Variants in CEP41 observed in about 807,000 individuals in gnomAD.
CEP41 encodes the protein centrosomal protein of 41 kDa.
Under a neutral mutation model 44.3 loss-of-function variants are expected in CEP41, and 32 were observed. The observed-to-expected ratio is 0.72, with a 90% CI of 0.54 to 0.97. CEP41 has a LOEUF of 0.97. Among genes scored for constraint, CEP41 ranks in the 50% least tolerant of loss-of-function variants. CEP41 has a pLI of 0.00. For missense variants in CEP41, 432 were observed against 455.2 expected (o/e 0.95, Z 0.46); for synonymous variants, 151 against 168.5 (o/e 0.90, Z 0.80).
intron 5 of CEP41, among the ~76,000 whole-genome samples, chr7:130,406,354 C>A (rs1218374803): frequency 6.6e-6 from 1 of 151,988 alleles, no homozygotes; most frequent in Non-Finnish European, 1.5e-5. Flanking sequence ...GAGGCTGAGG[C>A]GGGTGGATCA....
At position 130,402,946 on chromosome 7, in the gene CEP41, G is replaced by T. The variant is rs557142840; in HGVS notation, c.423-147C>A. ...AAAGGAAAATGGACGTGGTGTCTCAGTTCTGCCTCTGAATGCAGGATCCTG... is the reference window on the plus strand; with the variant it reads ...AAAGGAAAATGGACGTGGTGTCTCATTTCTGCCTCTGAATGCAGGATCCTG... On this transcript the variant is annotated intron_variant, in intron 6 of 10. Transcript: ENST00000223208. 1.2e-4 allele frequency: 103 copies of T among 848,828 alleles called. 1 individual carries two copies. In the South Asian group the frequency reaches 1.3e-3, roughly 11 times the overall value. The allele number at this position is 848,828 out of a possible 1,614,324, so 52.6% of individuals were successfully genotyped here. A position where few individuals can be genotyped will look rare whatever the true frequency, so the allele number is the denominator to read the frequency against.
upstream of CEP41, chr7:130,441,361 A>C: frequency 5.3e-6 from 2 of 380,036 alleles, no homozygotes; most frequent in East Asian, 6.6e-5. Flanking sequence ...CATAAATACA[A>C]CACAAGACTC....
chr7:130,397,506 ATTTTTTTTT>A lies in CEP41; in HGVS notation c.*1376_*1384del, dbSNP rs55776575. The A allele has an allele frequency of 4.2e-4, 128 of 303,500 alleles. No homozygotes were observed. Among genetic ancestry groups the A allele is most frequent in the East Asian group, 1.0e-3 (10 of 10,048 alleles). The allele number at this position is 303,500 out of a possible 1,614,324, so 18.8% of individuals were successfully genotyped here. A position where few individuals can be genotyped will look rare whatever the true frequency, so the allele number is the denominator to read the frequency against. ...CCCCATGCTAGAAATACTGTGGTGCATTTTTTTTTTTTTTTTTTTTTTTTTTTGGTGGCG... is the reference window on the plus strand; with the variant it reads ...CCCCATGCTAGAAATACTGTGGTGCATTTTTTTTTTTTTTTTTTGGTGGCG... On this transcript the variant is annotated 3_prime_UTR_variant, in exon 11 of 11. Transcript: ENST00000223208.
In CEP41 at chr7:130,401,945, T is replaced by G. The variant is rs201818904; in HGVS notation, c.578A>C (p.Tyr193Ser). Residue 193 changes from tyrosine to serine, a missense_variant, in exon 8 of 11, where the codon TAC (tyrosine) becomes TCC (serine). By Grantham distance (144) the Tyr-to-Ser change is moderately radical. Transcript: ENST00000223208. ...AGACAGAGTTGCAATTGGGTAACTG[T>G]AAGCTGCAAAGAGAAGAAAAAGTTT... is the stretch of plus-strand genomic sequence containing the variant. ...SYQQCHIVGA[Y>S]SYPIATLSRT... The G allele has an allele frequency of 1.9e-6, 3 of 1,608,186 alleles. No homozygotes were observed. The highest frequency in any genetic ancestry group is 2.6e-6 in the Non-Finnish European group (3 of 1,174,646).
chr7:130,441,513 C>A (rs1284942533), upstream of CEP41, among the ~76,000 whole-genome samples: 1 of 152,156 alleles, frequency 6.6e-6, no homozygotes, highest in African/African-American at 2.4e-5. Context: ...AGTTAATATG[C>A]GAATTATGCA....
At chr7:130,403,529 A>G (rs1334827166) in intron 6 of CEP41, among the ~76,000 whole-genome samples, 1 of 152,246 alleles carries the variant, frequency 6.6e-6, no homozygotes, top group Non-Finnish European at 1.5e-5. Flanking sequence ...TCAAAGTAAT[A>G]ACAAGACTAG....
chr7:130,400,135 G>A lies in CEP41; in HGVS notation c.877C>T (p.Pro293Ser). 6.2e-7 allele frequency: 1 copy of A among 1,613,734 alleles called. No individual in the cohort carries two copies. The highest frequency in any genetic ancestry group is 8.5e-7 in the Non-Finnish European group (1 of 1,179,784). Residue 293 changes from proline (P) to serine (S), a missense_variant, in exon 10 of 11, where the codon CCC becomes TCC. Transcript: ENST00000223208. The part of the protein sequence containing the change: ...ARKRSSPKGP[P>S]LPAENKWRFT... ...CTCCATTTATTCTCAGCTGGTAGGG[G>A]TGGCCCTTTGGGGCTGGATCGTTTC...
intron 2 of CEP41, 94 bp downstream of exon 2, chr7:130,427,861 T>C: frequency 2.5e-6 from 2 of 809,816 alleles, no homozygotes; most frequent in Non-Finnish European, 4.2e-6. Context: ...TGAGAAACTT[T>C]TAGCTGTGAT....
chr7:130,429,260 A>G (rs1554424536), intron 1 of CEP41, among the ~76,000 whole-genome samples: 1 of 152,160 alleles, frequency 6.6e-6, no homozygotes, highest in Non-Finnish European at 1.5e-5. Context: ...GATGTCGACC[A>G]TGGCATCTGC....
chr7:130,395,360 T>A lies in CEP41; in HGVS notation c.*3531A>T, dbSNP rs1562971764. The A allele has an allele frequency of 2.3e-6, 1 of 429,728 alleles. No homozygotes were observed. Among genetic ancestry groups the A allele is most frequent in the East Asian group, 7.1e-5 (1 of 14,034 alleles). The allele number at this position is 429,728 out of a possible 1,614,324, so 26.6% of individuals were successfully genotyped here. ...TATTCCACACATTTGCGGTGTTTCC[T>A]GGGGAAAAAAAAGTATCGTGGGAGT... is the stretch of plus-strand genomic sequence containing the variant. On this transcript the variant is annotated 3_prime_UTR_variant, in exon 11 of 11. Coordinates refer to ENST00000223208, the MANE Select transcript of CEP41 (RefSeq NM_018718.3).
chr7:130,410,287 A>G (rs1455307613), intron 5 of CEP41, among the ~76,000 whole-genome samples: 2 of 151,700 alleles, frequency 1.3e-5, no homozygotes, highest in African/African-American at 4.8e-5. Context: ...TTGGCCTCCC[A>G]AAGTGCTGGG....
Position 130,396,665 on chromosome 7 carries a change from C to T in CEP41, c.*2226G>A, listed in dbSNP as rs115431091. 9.2e-5 allele frequency: 42 copies of T among 454,476 alleles called. No homozygotes were observed. The highest frequency in any genetic ancestry group is 6.8e-4 in the African/African-American group (34 of 50,090). 28.2% of individuals were successfully genotyped at this position (454,476 alleles called of 1,614,324 possible). On this transcript the variant is annotated 3_prime_UTR_variant, in exon 11 of 11. Coordinates refer to ENST00000223208, the MANE Select transcript of CEP41 (RefSeq NM_018718.3). The stretch of plus-strand genomic sequence containing the variant: ...AATGTTAAAAGCAATACCTCGAGCA[C>T]GTAAAGAATGTTTGATATTAACACT...
rs1554414510 is a variant in CEP41, at chr7:130,396,293, T to C, written c.*2598A>G. On this transcript the variant is annotated 3_prime_UTR_variant, in exon 11 of 11. Coordinates refer to ENST00000223208, the MANE Select transcript of CEP41 (RefSeq NM_018718.3). ...ACGCTGGTAGGAAGCCATGATCCAG[T>C]TGTTGAAGGTGGCTTCAGTCCCAGC... The C allele has an allele frequency of 2.2e-6, 1 of 454,070 alleles. No homozygotes were observed. 28.1% of individuals were successfully genotyped at this position (454,070 alleles called of 1,614,324 possible). A position where few individuals can be genotyped will look rare whatever the true frequency, so the allele number is the denominator to read the frequency against.
intron 10 of CEP41, chr7:130,399,397 A>G: frequency 3.2e-6 from 1 of 313,018 alleles, no homozygotes; most frequent in Non-Finnish European, 6.0e-6. Context: ...GTAGGAAGAC[A>G]AACCACAGAG....
At chr7:130,438,197 GC>G (rs1310288616) in intron 1 of CEP41, among the ~76,000 whole-genome samples, 1 of 152,134 alleles carries the variant, frequency 6.6e-6, no homozygotes, top group Non-Finnish European at 1.5e-5. Context: ...TGATGATTTT[GC>G]CCCCGTAAAT....
At chr7:130,399,318 T>C in intron 10 of CEP41, 1 of 476,456 alleles carries the variant, frequency 2.1e-6, no homozygotes, top group Non-Finnish European at 3.8e-6. Flanking sequence ...CACTACTTCC[T>C]TGGTAGAGAG....
intron 10 of CEP41, chr7:130,399,415 G>C: frequency 3.6e-6 from 1 of 275,054 alleles, no homozygotes; most frequent in Non-Finnish European, 6.9e-6. Flanking sequence ...GAGGCTCTCA[G>C]AGTGGAGAAG....
chr7:130,404,723 T>A lies in CEP41; in HGVS notation c.278-15A>T, dbSNP rs142452124. 969 of 1,593,012 alleles carry A rather than the reference T, an allele frequency of 6.1e-4. 1 individual carries two copies. Among genetic ancestry groups the A allele is most frequent in the Non-Finnish European group, 6.1e-4 (711 of 1,160,974 alleles). ...AGAATCATTGTCTAATATTTACAAA[T>A]GAAGAAATAATTAGATTGAACCTCA... is the stretch of plus-strand genomic sequence containing the variant. On this transcript the variant is annotated splice_polypyrimidine_tract_variant and intron_variant, in intron 5 of 10. Coordinates refer to ENST00000223208, the MANE Select transcript of CEP41 (RefSeq NM_018718.3).
At chr7:130,425,467 A>G (rs1797634034) in intron 2 of CEP41, among the ~76,000 whole-genome samples, 1 of 152,230 alleles carries the variant, frequency 6.6e-6, no homozygotes, top group Admixed American at 6.5e-5. Flanking sequence ...CCACACAGCT[A>G]TCAGAATGGC....
Sources: gnomAD v4.1 joint callset for allele counts (sites outside exome capture counted in the v4.1 genomes callset) on GRCh38, gnomAD v4.1.1 for gene constraint, MANE v1.5 for transcripts, NCBI Gene and HGNC (gene_info 2026-07-23, HGNC 2026-07-21) for gene names.